The following SHQ1 variants were observed in gnomAD, a reference collection of about 807,000 sequenced individuals.
SHQ1 encodes the protein SHQ1, H/ACA ribonucleoprotein assembly factor, also known as protein SHQ1 homolog.
SHQ1 carries 49 observed loss-of-function variants against 53.8 expected under a neutral mutation model. The observed-to-expected ratio is 0.91, with a 90% CI of 0.72 to 1.16. The LOEUF is 1.16. Among genes scored for constraint, SHQ1 ranks in the 50% most tolerant of loss-of-function variants. The pLI is 0.00. For missense variants in SHQ1, 738 were observed against 683.1 expected (o/e 1.08, Z -0.90); for synonymous variants, 243 against 251.0 (o/e 0.97, Z 0.30).
At chr3:72,801,805 G>A (rs866539119) in intron 9 of SHQ1, among the ~76,000 whole-genome samples, 1 of 152,108 alleles carries the variant, frequency 6.6e-6, no homozygotes, top group African/African-American at 2.4e-5. Flanking sequence ...ATATGAAAAG[G>A]ATGCATGAAA....
rs1423753770 is a variant in SHQ1 at position 72,749,966 on chromosome 3, C to T, written c.*318G>A. The stretch of plus-strand genomic sequence containing the variant: ...GCAGTATTTGCATATAACCTACCCA[C>T]ATCCTCCTGCACAGTTTAAATCATC... On this transcript the variant is annotated 3_prime_UTR_variant, in exon 11 of 11. Coordinates refer to ENST00000325599, the MANE Select transcript of SHQ1 (RefSeq NM_018130.3). 6.9e-6 allele frequency: 2 copies of T among 288,924 alleles called. No individual in the cohort carries two copies. Among genetic ancestry groups the T allele is most frequent in the Non-Finnish European group, 1.3e-5 (2 of 155,292 alleles). The allele number at this position is 288,924 out of a possible 1,614,324, so 17.9% of individuals were successfully genotyped here. A position where few individuals can be genotyped will look rare whatever the true frequency, so the allele number is the denominator to read the frequency against.
At chr3:72,740,862 CCTAA>C in the SHQ1 span, among the ~76,000 whole-genome samples, 88 of 152,324 alleles carry the variant, frequency 5.8e-4, no homozygotes, top group East Asian at 5.4e-3. Context: ...CATAGATCCT[CCTAA>C]CTCACACTTC....
At chr3:72,824,787 CTTT>C (rs36082106) in intron 5 of SHQ1, among the ~76,000 whole-genome samples, 15 of 142,756 alleles carry the variant, frequency 1.1e-4, no homozygotes, top group African/African-American at 2.9e-4. Context: ...TTGCTGATCT[CTTT>C]TTTTTTTTTT....
chr3:72,840,469 T>C (rs898718355), intron 4 of SHQ1, among the ~76,000 whole-genome samples: 1 of 151,234 alleles, frequency 6.6e-6, no homozygotes, highest in African/African-American at 2.4e-5. Context: ...GGCAGAAGAA[T>C]TGCTTGAACC....
At chr3:72,759,443 C>T (rs143171355) in intron 10 of SHQ1, among the ~76,000 whole-genome samples, 1 of 152,168 alleles carries the variant, frequency 6.6e-6, no homozygotes, top group South Asian at 2.1e-4. Context: ...GTAATCCCAG[C>T]ACTTTGGGAG....
At chr3:72,823,810 T>C (rs1247661475) in intron 6 of SHQ1, among the ~76,000 whole-genome samples, 1 of 152,230 alleles carries the variant, frequency 6.6e-6, no homozygotes, top group South Asian at 2.1e-4. Context: ...TTCCATTTAA[T>C]ACTCTTCAGA....
chr3:72,779,366 C>G (rs183005322), intron 10 of SHQ1, among the ~76,000 whole-genome samples: 1 of 152,322 alleles, frequency 6.6e-6, no homozygotes, highest in Non-Finnish European at 1.5e-5. Context: ...AGTACTCAAA[C>G]CAAACATTTC....
At chr3:72,832,285 C>A in intron 5 of SHQ1, 84 bp downstream of exon 5, 2 of 956,198 alleles carry the variant, frequency 2.1e-6, no homozygotes, top group Non-Finnish European at 3.4e-6. Context: ...AAATGCACAT[C>A]CCTAGCAGAG....
chr3:72,777,454 C>A (rs1199595086), intron 10 of SHQ1, among the ~76,000 whole-genome samples: 1 of 152,196 alleles, frequency 6.6e-6, no homozygotes, highest in African/African-American at 2.4e-5. Context: ...TGCTCAGCTT[C>A]ACTAGTAATT....
At chr3:72,814,647 A>G (rs971918586) in intron 8 of SHQ1, 1 of 152,206 alleles carries the variant, frequency 6.6e-6, no homozygotes, top group Non-Finnish European at 1.5e-5. Flanking sequence ...TAATCTCGAT[A>G]CTTTTTTAAA....
At chr3:72,767,731 TA>T (rs1460267083) in intron 10 of SHQ1, among the ~76,000 whole-genome samples, 1 of 152,140 alleles carries the variant, frequency 6.6e-6, no homozygotes, top group Non-Finnish European at 1.5e-5. Flanking sequence ...TACTGATTAC[TA>T]AAAATAAGAA....
intron 10 of SHQ1, among the ~76,000 whole-genome samples, chr3:72,790,902 A>T (rs967827665): frequency 1.3e-5 from 2 of 152,118 alleles, no homozygotes; most frequent in Non-Finnish European, 2.9e-5. Context: ...ACTCCCCAAT[A>T]CATTATCCCA....
chr3:72,837,982 C>T (rs1575737536), intron 4 of SHQ1, among the ~76,000 whole-genome samples: 1 of 152,224 alleles, frequency 6.6e-6, no homozygotes, highest in East Asian at 1.9e-4. Context: ...TTGCTGCACA[C>T]GCAGTGCTCA....
At chr3:72,784,227 T>A (rs1159176716) in intron 10 of SHQ1, among the ~76,000 whole-genome samples, 4 of 152,132 alleles carry the variant, frequency 2.6e-5, no homozygotes, top group African/African-American at 9.7e-5. Flanking sequence ...TATAATTCTT[T>A]TGTTAGTTTT....
intron 4 of SHQ1, among the ~76,000 whole-genome samples, chr3:72,839,409 C>T (rs1443554622): frequency 1.3e-5 from 2 of 152,224 alleles, no homozygotes; most frequent in African/African-American, 4.8e-5. Flanking sequence ...AGAAGGAAGG[C>T]TATTTCACCA....
Position 72,819,727 on chromosome 3 carries a change from T to C in SHQ1, c.728-2343A>G, listed in dbSNP as rs6771907. 5.5e-3 allele frequency among the ~76,000 whole-genome samples: 844 copies of C among 152,314 alleles called. 10 individuals are homozygous for C. Among genetic ancestry groups the C allele is most frequent in the African/African-American group, 0.02 (814 of 41,578 alleles). ...ACATGTTTTGTTCAAGGGTCAACTG[T>C]ATTTAATTTAAAATTTACTGGATTT... is the stretch of plus-strand genomic sequence containing the variant. On this transcript the variant is annotated intron_variant, in intron 6 of 10. Transcript: ENST00000325599.
At chr3:72,746,614 T>A (rs1705263332), downstream of SHQ1, among the ~76,000 whole-genome samples, 1 of 152,104 alleles carries the variant, frequency 6.6e-6, no homozygotes. Flanking sequence ...CTCATGAGGG[T>A]TGTTTAATGA....
At chr3:72,820,377 A>G (rs1188477409) in intron 6 of SHQ1, among the ~76,000 whole-genome samples, 1 of 152,200 alleles carries the variant, frequency 6.6e-6, no homozygotes, top group East Asian at 1.9e-4. Flanking sequence ...TTTACTGAGC[A>G]TTTATAAGTT....
intron 10 of SHQ1, among the ~76,000 whole-genome samples, chr3:72,784,774 G>A (rs1049941320): frequency 2.6e-5 from 4 of 152,088 alleles, no homozygotes; most frequent in Admixed American, 1.3e-4. Flanking sequence ...ATCGCTCTGC[G>A]TGCCTGAATT....
Sources: gnomAD v4.1 joint callset for allele counts (sites outside exome capture counted in the v4.1 genomes callset) on GRCh38, gnomAD v4.1.1 for gene constraint, MANE v1.5 for transcripts, NCBI Gene and HGNC (gene_info 2026-07-23, HGNC 2026-07-21) for gene names.